The following LRMDA variants were observed in gnomAD, a reference collection of about 807,000 sequenced individuals.
LRMDA encodes the protein leucine-rich melanocyte differentiation-associated protein.
A neutral mutation model predicts 29.8 loss-of-function variants in LRMDA; 18 were observed. That is an observed-to-expected ratio of 0.60 (90% CI 0.42 to 0.90). The LOEUF (loss-of-function observed/expected upper bound fraction) is 0.90, where lower values mean the gene tolerates loss of function less well. Ranked by LOEUF, LRMDA falls within the 40% of genes least tolerant of loss-of-function variation. The pLI is 0.00. For synonymous variants in LRMDA, 125 were observed against 109.4 expected (o/e 1.14, Z -0.89); for missense variants, 273 against 273.9 (o/e 1.00, Z 0.02).
At chr10:75,979,295 G>A (rs913573418) in intron 2 of LRMDA, among the ~76,000 whole-genome samples, 7 of 152,134 alleles carry the variant, frequency 4.6e-5, no homozygotes, top group African/African-American at 1.7e-4. Context: ...TGAAATTAGG[G>A]AAACACTGGC....
intron 2 of LRMDA, among the ~76,000 whole-genome samples, chr10:75,938,890 T>C (rs775707153): frequency 2.0e-5 from 3 of 152,210 alleles, no homozygotes; most frequent in Non-Finnish European, 2.9e-5. Context: ...AAATCTTACA[T>C]TGTTGGAACA....
intron 2 of LRMDA, among the ~76,000 whole-genome samples, chr10:75,520,828 T>C (rs575470319): frequency 6.6e-6 from 1 of 152,208 alleles, no homozygotes; most frequent in Non-Finnish European, 1.5e-5. Context: ...TTTATCTACC[T>C]TTGGTCTTTG....
intron 5 of LRMDA, among the ~76,000 whole-genome samples, chr10:76,291,914 A>ACACACACACACACACGTG (rs1840345953): frequency 1.2e-5 from 1 of 81,586 alleles, no homozygotes; most frequent in African/African-American, 5.2e-5. Flanking sequence ...CCACACGTGC[A>ACACACACACACACACGTG]CACACACACA....
intron 2 of LRMDA, among the ~76,000 whole-genome samples, chr10:75,456,891 G>T (rs7894152): frequency 1.1e-3 from 173 of 152,234 alleles, no homozygotes; most frequent in African/African-American, 4.0e-3. Context: ...GGCCAGGCCG[G>T]TCTCGAATTC....
At chr10:75,568,137 C>T (rs1349242222) in intron 2 of LRMDA, among the ~76,000 whole-genome samples, 2 of 152,222 alleles carry the variant, frequency 1.3e-5, no homozygotes, top group Non-Finnish European at 2.9e-5. Context: ...GTGTGAAGAG[C>T]TTACTGGGTA....
intron 2 of LRMDA, among the ~76,000 whole-genome samples, chr10:75,603,182 T>G (rs1447056783): frequency 7.0e-6 from 1 of 142,754 alleles, no homozygotes; most frequent in Non-Finnish European, 1.5e-5. Context: ...TCTTAAAGTT[T>G]TTTTTTTTTT....
chr10:76,287,125 C>T (rs2132342059), intron 5 of LRMDA, among the ~76,000 whole-genome samples: 1 of 152,158 alleles, frequency 6.6e-6, no homozygotes, highest in Middle Eastern at 3.4e-3. Context: ...CCCTCTTATC[C>T]CTAAGGGATT....
chr10:76,212,716 T>C (rs1851658459), intron 5 of LRMDA, among the ~76,000 whole-genome samples: 1 of 152,244 alleles, frequency 6.6e-6, no homozygotes, highest in South Asian at 2.1e-4. Flanking sequence ...TCAGAAAATC[T>C]GTGTACTACA....
chr10:76,226,196 C>G (rs574440309), intron 5 of LRMDA, among the ~76,000 whole-genome samples: 1 of 151,986 alleles, frequency 6.6e-6, no homozygotes, highest in Admixed American at 6.6e-5. Context: ...AGGAAACTTA[C>G]AGTCATAGTG....
At chr10:75,653,977 C>T (rs1009262782) in intron 2 of LRMDA, among the ~76,000 whole-genome samples, 7 of 152,168 alleles carry the variant, frequency 4.6e-5, no homozygotes, top group Non-Finnish European at 8.8e-5. Flanking sequence ...TTAGTAAAGT[C>T]CCCGGGTTGG....
intron 5 of LRMDA, among the ~76,000 whole-genome samples, chr10:76,065,995 C>A (rs1848778646): frequency 6.6e-6 from 1 of 152,242 alleles, no homozygotes; most frequent in South Asian, 2.1e-4. Context: ...TCCCAGCCAA[C>A]CACAGACCTC....
intron 2 of LRMDA, among the ~76,000 whole-genome samples, chr10:75,520,705 G>A (rs1197720495): frequency 3.3e-5 from 5 of 152,172 alleles, no homozygotes; most frequent in East Asian, 1.9e-4. Context: ...GTCATTCTCC[G>A]TCCTGCTTTG....
chr10:75,914,555 C>T (rs1274710592), intron 2 of LRMDA, among the ~76,000 whole-genome samples: 2 of 152,200 alleles, frequency 1.3e-5, no homozygotes, highest in Non-Finnish European at 2.9e-5. Flanking sequence ...AATGCTGTCT[C>T]CCAATATCAG....
At chr10:76,002,408 G>A (rs1319793800) in intron 2 of LRMDA, among the ~76,000 whole-genome samples, 1 of 152,184 alleles carries the variant, frequency 6.6e-6, no homozygotes, top group African/African-American at 2.4e-5. Flanking sequence ...CAGTGTGGTG[G>A]AAACACCCAG....
chr10:76,465,823 C>G lies in LRMDA; in HGVS notation c.602-91386C>G, dbSNP rs1197582248. 2.0e-5 allele frequency among the ~76,000 whole-genome samples: 3 copies of G among 151,956 alleles called. No individual in the cohort carries two copies. In the East Asian group the frequency reaches 5.8e-4, roughly 29 times the overall value. ...AGGGGAGGAGTTGTTTGTGGCCTCTCCCCTCCCCTTGTAGGTGGCTGTCTT... is the reference window on the plus strand; with the variant it reads ...AGGGGAGGAGTTGTTTGTGGCCTCTGCCCTCCCCTTGTAGGTGGCTGTCTT... On this transcript the variant is annotated intron_variant, in intron 6 of 6. Transcript: ENST00000611255.
intron 6 of LRMDA, among the ~76,000 whole-genome samples, chr10:76,388,408 G>A (rs936140323): frequency 3.9e-5 from 6 of 152,166 alleles, no homozygotes; most frequent in African/African-American, 1.4e-4. Context: ...TGACTTGACT[G>A]GAAATGGGAA....
At chr10:76,069,253 G>A (rs1321259762) in intron 5 of LRMDA, among the ~76,000 whole-genome samples, 1 of 152,172 alleles carries the variant, frequency 6.6e-6, no homozygotes, top group Non-Finnish European at 1.5e-5. Context: ...AAGCATGATG[G>A]GGAAGGCTTG....
intron 2 of LRMDA, among the ~76,000 whole-genome samples, chr10:75,750,723 G>A (rs560095278): frequency 6.8e-6 from 1 of 146,318 alleles, no homozygotes; most frequent in Non-Finnish European, 1.5e-5. Flanking sequence ...AGACGGGGCG[G>A]GGGGGCAGAG....
At chr10:75,617,537 G>A (rs1010986116) in intron 2 of LRMDA, among the ~76,000 whole-genome samples, 4 of 152,146 alleles carry the variant, frequency 2.6e-5, no homozygotes, top group Non-Finnish European at 4.4e-5. Flanking sequence ...AACATTCAGT[G>A]GCTCCCACCG....
Sources: allele counts gnomAD v4.1 joint callset (sites outside exome capture counted in the v4.1 genomes callset), GRCh38; gene constraint gnomAD v4.1.1; transcripts MANE v1.5; gene names NCBI Gene and HGNC (gene_info 2026-07-23, HGNC 2026-07-21).